RAB11FIP2: variants seen among roughly 807,000 people sequenced by gnomAD.
RAB11FIP2 encodes the protein rab11 family-interacting protein 2.
In RAB11FIP2, 16 loss-of-function variants were observed where a neutral mutation model predicts 40.9. That is an observed-to-expected ratio of 0.39 (90% CI 0.26 to 0.59). The LOEUF (loss-of-function observed/expected upper bound fraction) is 0.59, where lower values mean the gene tolerates loss of function less well. Ranked by LOEUF, RAB11FIP2 falls within the 20% of genes least tolerant of loss-of-function variation. The pLI is 0.53. For missense variants in RAB11FIP2, 532 were observed against 606.2 expected, an observed-to-expected ratio of 0.88 and a Z score of 1.28; for synonymous variants, 228 against 213.7, an observed-to-expected ratio of 1.07 and a Z score of -0.58.
At chr10:118,016,911 C>G (rs1846226818) in intron 3 of RAB11FIP2, among the ~76,000 whole-genome samples, 1 of 152,172 alleles carries the variant, frequency 6.6e-6, no homozygotes, top group Non-Finnish European at 1.5e-5. Flanking sequence ...ACACTTAGCA[C>G]TGTGACTACC....
At chr10:118,044,458 G>C (rs555565266) in intron 1 of RAB11FIP2, among the ~76,000 whole-genome samples, 1 of 152,050 alleles carries the variant, frequency 6.6e-6, no homozygotes, top group Non-Finnish European at 1.5e-5. Context: ...TCCCTCGGAG[G>C]AAACTGAATG....
chr10:118,033,311 T>TA lies in RAB11FIP2; in HGVS notation c.1265+5660dup, dbSNP rs201517931. The stretch of plus-strand genomic sequence containing the variant: ...GAGGGGAGGCCCAACAAATTGTAGC[T>TA]AAAAAAAAATAATCTCCAGGAGCCC... On this transcript the variant is annotated intron_variant, in intron 3 of 4. Transcript: ENST00000355624. Among the ~76,000 whole-genome samples, 7 of 150,892 alleles carry TA rather than the reference T, an allele frequency of 4.6e-5. No individual in the cohort carries two copies. In the East Asian group the frequency reaches 7.8e-4, roughly 17 times the overall value.
intron 2 of RAB11FIP2, 23 bp downstream of exon 2, chr10:118,040,100 G>C (rs981565179): frequency 1.3e-6 from 2 of 1,592,134 alleles, no homozygotes; most frequent in Admixed American, 1.7e-5. Flanking sequence ...AGACCAATGA[G>C]TACACAAGAA....
chr10:118,023,432 A>T (rs1215299351), intron 3 of RAB11FIP2, among the ~76,000 whole-genome samples: 3 of 152,196 alleles, frequency 2.0e-5, no homozygotes, highest in African/African-American at 4.8e-5. Flanking sequence ...CTCAGTACCA[A>T]ATCAAATTAA....
At position 118,007,993 on chromosome 10, in the gene RAB11FIP2, G is replaced by A. The variant is rs3740550; in HGVS notation, c.*1005C>T. 2,528 of 152,444 alleles carry A rather than the reference G, an allele frequency of 0.017. 73 individuals are homozygous for A. The highest frequency in any genetic ancestry group is 0.13 in the East Asian group (655 of 5,170). The allele number at this position is 152,444 out of a possible 1,614,324, so 9.4% of individuals were successfully genotyped here. A position where few individuals can be genotyped will look rare whatever the true frequency, so the allele number is the denominator to read the frequency against. ...TCCTGGAATCTGCCCGCTGCTTTGG[G>A]TTATCAGACACACCAGGCAATCACA... On this transcript the variant is annotated 3_prime_UTR_variant, in exon 5 of 5. Coordinates refer to ENST00000355624, the MANE Select transcript of RAB11FIP2 (RefSeq NM_014904.3).
At chr10:118,025,528 G>A (rs1207880614) in intron 3 of RAB11FIP2, among the ~76,000 whole-genome samples, 4 of 152,104 alleles carry the variant, frequency 2.6e-5, no homozygotes, top group African/African-American at 7.2e-5. Flanking sequence ...TTCCGATTCC[G>A]GCATTATTAC....
chr10:118,038,057 C>T (rs1228054425), intron 3 of RAB11FIP2, among the ~76,000 whole-genome samples: 1 of 151,624 alleles, frequency 6.6e-6, no homozygotes, highest in African/African-American at 2.4e-5. Flanking sequence ...AATATTTTCA[C>T]TCCATGGTTG....
rs1298968591 is a variant in RAB11FIP2, at chr10:118,005,431, C to T, written c.*3567G>A. The stretch of plus-strand genomic sequence containing the variant: ...TATTAAATACTTCCAATGATTGCAT[C>T]TGGATTATTAAAGTTCTACATCTGT... On this transcript the variant is annotated 3_prime_UTR_variant, in exon 5 of 5. Coordinates refer to ENST00000355624, the MANE Select transcript of RAB11FIP2 (RefSeq NM_014904.3). 6.6e-6 allele frequency: 1 copy of T among 152,624 alleles called. No homozygotes were observed. Among genetic ancestry groups the T allele is most frequent in the African/African-American group, 2.4e-5 (1 of 41,446 alleles). The allele number at this position is 152,624 out of a possible 1,614,324, so 9.5% of individuals were successfully genotyped here.
chr10:118,025,089 AGCC>A (rs1846328113), intron 3 of RAB11FIP2, among the ~76,000 whole-genome samples: 1 of 152,242 alleles, frequency 6.6e-6, no homozygotes, highest in Admixed American at 6.5e-5. Flanking sequence ...TGAGAAGCCC[AGCC>A]TTAAAACATT....
intron 3 of RAB11FIP2, among the ~76,000 whole-genome samples, chr10:118,033,335 C>T (rs1418713128): frequency 1.3e-5 from 2 of 152,056 alleles, no homozygotes; most frequent in Non-Finnish European, 1.5e-5. Flanking sequence ...CTCCAGGAGC[C>T]CTTGATGATC....
Position 118,005,579 on chromosome 10 carries a change from TTACACA to T in RAB11FIP2, c.*3413_*3418del, listed in dbSNP as rs1470540065. 1 of 152,226 alleles carries T rather than the reference TTACACA, an allele frequency of 6.6e-6. No individual in the cohort carries two copies. Among genetic ancestry groups the T allele is most frequent in the Non-Finnish European group, 1.5e-5 (1 of 68,028 alleles). 9.4% of individuals were successfully genotyped at this position (152,226 alleles called of 1,614,324 possible). On this transcript the variant is annotated 3_prime_UTR_variant, in exon 5 of 5. Coordinates refer to ENST00000355624, the MANE Select transcript of RAB11FIP2 (RefSeq NM_014904.3). ...TGAATGAGCATGCATCATACTTCAC[TTACACA>T]TACACACAAGTGACACCTACCACCT...
intron 1 of RAB11FIP2, among the ~76,000 whole-genome samples, chr10:118,045,002 T>C (rs1041199863): frequency 7.9e-5 from 12 of 152,132 alleles, no homozygotes; most frequent in African/African-American, 2.9e-4. Flanking sequence ...CTAGTGTTAA[T>C]TTATATTATG....
chr10:118,014,957 AG>A, intron 4 of RAB11FIP2, 107 bp downstream of exon 4: 2 of 877,176 alleles, frequency 2.3e-6, no homozygotes, highest in Non-Finnish European at 1.8e-6. Flanking sequence ...TACAATTCTT[AG>A]GTAAGTGAGG....
At chr10:118,038,928 C>T (rs1331342679) in intron 3 of RAB11FIP2, 44 bp downstream of exon 3, 2 of 1,324,498 alleles carry the variant, frequency 1.5e-6, no homozygotes, top group Non-Finnish European at 2.1e-6. Context: ...CCTTCAAGTA[C>T]AAGATTTTCC....
intron 1 of RAB11FIP2, among the ~76,000 whole-genome samples, chr10:118,041,149 G>A (rs1846553416): frequency 6.6e-6 from 1 of 151,566 alleles, no homozygotes; most frequent in African/African-American, 2.4e-5. Flanking sequence ...ATGTCATTTA[G>A]ATTGACATAA....
chr10:118,043,190 T>C (rs547037198), intron 1 of RAB11FIP2, among the ~76,000 whole-genome samples: 4 of 152,050 alleles, frequency 2.6e-5, no homozygotes, highest in Non-Finnish European at 5.9e-5. Flanking sequence ...GGGACAAAAT[T>C]GGCAGTAAGG....
chr10:118,046,846 T>C lies in RAB11FIP2; in HGVS notation c.-683A>G, dbSNP rs1395297715. 1.3e-5 allele frequency: 2 copies of C among 152,122 alleles called. No individual in the cohort carries two copies. Among genetic ancestry groups the C allele is most frequent in the East Asian group, 3.9e-4 (2 of 5,142 alleles). 9.4% of individuals were successfully genotyped at this position (152,122 alleles called of 1,614,324 possible). ...AGCGGGCTGCAGGGCTGCGGGCGCTTGGTTCGGCCTGGCCCGGCCGGCGGC... is the reference window on the plus strand; with the variant it reads ...AGCGGGCTGCAGGGCTGCGGGCGCTCGGTTCGGCCTGGCCCGGCCGGCGGC... On this transcript the variant is annotated 5_prime_UTR_variant, in exon 1 of 5. Coordinates refer to ENST00000355624, the MANE Select transcript of RAB11FIP2 (RefSeq NM_014904.3).
At position 118,015,730 on chromosome 10, in the gene RAB11FIP2, C is replaced by T. The variant is rs184529882; in HGVS notation, c.1266-620G>A. ...CCATGCAGAGAAGAAAACATCACAGCTGAATGCTATAACTATTTTCTTCTT... is the reference window on the plus strand; with the variant it reads ...CCATGCAGAGAAGAAAACATCACAGTTGAATGCTATAACTATTTTCTTCTT... On this transcript the variant is annotated intron_variant, in intron 3 of 4. Transcript: ENST00000355624. Among the ~76,000 whole-genome samples the T allele has an allele frequency of 2.6e-5, 4 of 152,302 alleles. No individual in the cohort carries two copies. In the East Asian group the frequency reaches 7.7e-4, roughly 29 times the overall value.
At chr10:118,015,022 C>T in intron 4 of RAB11FIP2, 43 bp downstream of exon 4, 1 of 1,517,664 alleles carries the variant, frequency 6.6e-7, no homozygotes, top group Non-Finnish European at 9.0e-7. Flanking sequence ...AGAAAAAGAC[C>T]AGCTTACTCT....
Sources: gnomAD v4.1 joint callset for allele counts (sites outside exome capture counted in the v4.1 genomes callset) on GRCh38, gnomAD v4.1.1 for gene constraint, MANE v1.5 for transcripts, NCBI Gene and HGNC (gene_info 2026-07-23, HGNC 2026-07-21) for gene names.